The following ECHDC2 variants were observed in gnomAD, a reference collection of about 807,000 sequenced individuals.
ECHDC2 encodes the protein enoyl-CoA hydratase domain containing 2, also known as enoyl-CoA hydratase domain-containing protein 2, mitochondrial.
Under a neutral mutation model 40.6 loss-of-function variants are expected in ECHDC2, and 34 were observed. That is an observed-to-expected ratio of 0.84 (90% CI 0.64 to 1.11). The LOEUF is 1.11. Ranked by LOEUF, ECHDC2 falls within the 50% of genes most tolerant of loss-of-function variation. The pLI is 0.00. For missense variants in ECHDC2, 392 were observed against 400.7 expected (o/e 0.98, Z 0.19); for synonymous variants, 162 against 166.6 (o/e 0.97, Z 0.21).
chr1:52,912,567 C>T (rs1649797216), intron 1 of ECHDC2, among the ~76,000 whole-genome samples: 1 of 151,948 alleles, frequency 6.6e-6, no homozygotes, highest in East Asian at 1.9e-4. Flanking sequence ...AAGGCAAATA[C>T]CCTTATAACC....
intron 8 of ECHDC2, 61 bp from the exon 9 acceptor site, chr1:52,897,545 A>G: frequency 2.6e-6 from 4 of 1,552,972 alleles, no homozygotes; most frequent in Non-Finnish European, 3.6e-6. Context: ...CCACACTGGA[A>G]GCCAGCCCAC....
chr1:52,918,312 A>T (rs1042271135), intron 1 of ECHDC2, among the ~76,000 whole-genome samples: 7 of 151,892 alleles, frequency 4.6e-5, no homozygotes, highest in African/African-American at 1.7e-4. Flanking sequence ...AGAGTGAGCC[A>T]GGTGAGCCAC....
At chr1:52,903,858 CG>C (rs1647166279) in intron 7 of ECHDC2, among the ~76,000 whole-genome samples, 2 of 148,308 alleles carry the variant, frequency 1.3e-5, no homozygotes, top group African/African-American at 5.0e-5. Context: ...CTCGTCCTGT[CG>C]CCCAGTGGAG....
Position 52,896,287 on chromosome 1 carries a change from C to G in ECHDC2, c.*233G>C. ...GAGACAGGCATTTTCCAAAGCAAACCCAACCCTCGTGATTATTTCTAGCCA... is the reference window on the plus strand; with the variant it reads ...GAGACAGGCATTTTCCAAAGCAAACGCAACCCTCGTGATTATTTCTAGCCA... On this transcript the variant is annotated 3_prime_UTR_variant, in exon 10 of 10. Coordinates refer to ENST00000371522, the MANE Select transcript of ECHDC2 (RefSeq NM_001198961.2). 1 of 529,532 alleles carries G rather than the reference C, an allele frequency of 1.9e-6. No individual in the cohort carries two copies. The highest frequency in any genetic ancestry group is 3.1e-5 in the Admixed American group (1 of 32,130). 32.8% of individuals were successfully genotyped at this position (529,532 alleles called of 1,614,324 possible).
chr1:52,920,327 T>C, intron 1 of ECHDC2: 2 of 635,100 alleles, frequency 3.1e-6, no homozygotes, highest in South Asian at 3.4e-5. Flanking sequence ...CTGGATTTTA[T>C]GGCAAAGCCC....
intron 7 of ECHDC2, chr1:52,900,768 C>T (rs1646939057): frequency 6.6e-6 from 1 of 152,192 alleles, no homozygotes. Context: ...ACTAGCTGGT[C>T]ATCTTGCCTT....
chr1:52,916,717 G>T (rs1362747573), intron 1 of ECHDC2, among the ~76,000 whole-genome samples: 1 of 152,200 alleles, frequency 6.6e-6, no homozygotes, highest in Non-Finnish European at 1.5e-5. Flanking sequence ...AGGTCCTGGA[G>T]AAATGGACAG....
intron 1 of ECHDC2, among the ~76,000 whole-genome samples, chr1:52,919,409 A>G (rs893248506): frequency 6.6e-5 from 10 of 152,168 alleles, no homozygotes; most frequent in African/African-American, 2.2e-4. Flanking sequence ...GCCCGGTACC[A>G]TGCTGTCCAG....
At chr1:52,920,134 A>C (rs1651556926) in intron 1 of ECHDC2, among the ~76,000 whole-genome samples, 1 of 152,212 alleles carries the variant, frequency 6.6e-6, no homozygotes. Context: ...TGACTGTCTT[A>C]AGAGCTGTTG....
At chr1:52,897,205 G>T in intron 9 of ECHDC2, 1 of 573,198 alleles carries the variant, frequency 1.7e-6, no homozygotes. Context: ...GTGATTCTCG[G>T]CATTAAGTGG....
intron 1 of ECHDC2, chr1:52,912,033 A>G: frequency 7.1e-7 from 1 of 1,408,338 alleles, no homozygotes; most frequent in Non-Finnish European, 9.2e-7. Context: ...TGTGAAGCAA[A>G]ATGGGGAGAG....
chr1:52,902,164 A>G (rs1463446658), intron 7 of ECHDC2: 3 of 152,146 alleles, frequency 2.0e-5, no homozygotes, highest in South Asian at 2.1e-4. Context: ...AAATTATACT[A>G]TTTTATTTTA....
intron 3 of ECHDC2, among the ~76,000 whole-genome samples, chr1:52,911,139 G>A (rs946188826): frequency 6.6e-6 from 1 of 152,018 alleles, no homozygotes; most frequent in East Asian, 1.9e-4. Flanking sequence ...ACCATACCCA[G>A]CTAATTTTTG....
At position 52,897,503 on chromosome 1, in the gene ECHDC2, C is replaced by T; in HGVS notation, c.754-19G>A. ...TGTCCACCTGCAAGAAAGACGTGCT[C>T]CCTGGATTGGTCTGACCTTGTCCAT... On this transcript the variant is annotated intron_variant, in intron 8 of 9. Transcript: ENST00000371522. 6.2e-7 allele frequency: 1 copy of T among 1,614,148 alleles called. No homozygotes were observed. Among genetic ancestry groups the T allele is most frequent in the African/African-American group, 1.3e-5 (1 of 75,054 alleles).
At chr1:52,915,188 A>T (rs568220804) in intron 1 of ECHDC2, 15 of 455,826 alleles carry the variant, frequency 3.3e-5, no homozygotes, top group African/African-American at 2.2e-4. Flanking sequence ...TGGACATTTC[A>T]GGTCTTCCCA....
intron 1 of ECHDC2, among the ~76,000 whole-genome samples, chr1:52,915,612 TAGAG>T (rs963139736): frequency 7.2e-5 from 11 of 152,066 alleles, no homozygotes; most frequent in Admixed American, 6.6e-4. Flanking sequence ...CTGCAGTGGA[TAGAG>T]AGATGCCAGA....
chr1:52,910,352 GTTTTTTTTTTTTTTTTTTTTTTTT>G lies in ECHDC2; in HGVS notation c.277+1190_277+1213del, dbSNP rs869088329. 1.6e-3 allele frequency among the ~76,000 whole-genome samples: 51 copies of G among 32,106 alleles called. 1 individual carries two copies. The East Asian group carries it at 0.03, about 19-fold the overall frequency. 21.1% of individuals were successfully genotyped at this position (32,106 alleles called of 152,430 possible). The stretch of plus-strand genomic sequence containing the variant: ...GTTACTTATATTTCACCACAATTTC[GTTTTTTTTTTTTTTTTTTTTTTTT>G]TTTTTTTTTTGAGATGGAGTTGTGC... On this transcript the variant is annotated intron_variant, in intron 3 of 9. Transcript: ENST00000371522.
intron 6 of ECHDC2, 37 bp downstream of exon 6, chr1:52,904,997 T>C: frequency 6.2e-7 from 1 of 1,613,740 alleles, no homozygotes; most frequent in Middle Eastern, 1.6e-4. Context: ...GGACCCTGGA[T>C]GGGGTGGAAT....
chr1:52,917,178 C>A (rs76745692), intron 1 of ECHDC2, among the ~76,000 whole-genome samples: 1 of 150,812 alleles, frequency 6.6e-6, no homozygotes, highest in Admixed American at 6.6e-5. Context: ...GCCGAGATCA[C>A]GCCACTGCAC....
Sources: allele counts gnomAD v4.1 joint callset (sites outside exome capture counted in the v4.1 genomes callset), GRCh38; gene constraint gnomAD v4.1.1; transcripts MANE v1.5; gene names NCBI Gene and HGNC (gene_info 2026-07-23, HGNC 2026-07-21).